IQCM: variants seen among roughly 807,000 people sequenced by gnomAD.
IQCM encodes the protein IQ domain-containing protein M.
Under a neutral mutation model 57.6 loss-of-function variants are expected in IQCM, and 45 were observed. That is an observed-to-expected ratio of 0.78 (90% CI 0.62 to 1.00). The LOEUF (loss-of-function observed/expected upper bound fraction) is 1.00. IQCM is among the 50% of genes least tolerant of loss of function. IQCM has a pLI of 0.00. For synonymous variants in IQCM, 148 were observed against 158.9 expected (o/e 0.93, Z 0.51); for missense variants, 468 against 511.6 (o/e 0.91, Z 0.82).
intron 10 of IQCM, among the ~76,000 whole-genome samples, chr4:149,563,325 A>G (rs1246677536): frequency 3.3e-5 from 5 of 152,200 alleles, no homozygotes; most frequent in African/African-American, 1.2e-4. Context: ...CAGAATTGCT[A>G]AGTTAAGGAT....
intron 12 of IQCM, among the ~76,000 whole-genome samples, chr4:149,455,126 G>A (rs771084736): frequency 1.3e-5 from 2 of 152,070 alleles, no homozygotes; most frequent in African/African-American, 2.4e-5. Context: ...ACCCAACAAT[G>A]TATGATACGT....
chr4:149,732,500 C>G (rs1360152858), intron 5 of IQCM, among the ~76,000 whole-genome samples: 1 of 152,124 alleles, frequency 6.6e-6, no homozygotes, highest in Admixed American at 6.6e-5. Context: ...AAGAAATTAC[C>G]CTGTGTTTAT....
At chr4:149,692,184 C>T (rs895930063) in intron 5 of IQCM, among the ~76,000 whole-genome samples, 30 of 152,294 alleles carry the variant, frequency 2.0e-4, no homozygotes, top group African/African-American at 7.2e-4. Context: ...CCCAGGGAGC[C>T]TGTGCACCAA....
In IQCM at chr4:149,536,605, A is replaced by G. The variant is rs76620671; in HGVS notation, c.1228+11850T>C. On this transcript the variant is annotated intron_variant, in intron 12 of 13. Coordinates refer to ENST00000636793, the MANE Select transcript of IQCM (RefSeq NM_001363507.2). Reference sequence around the variant, plus strand: ...AGCATTTGTAACATTGTATGCATGTAGTTATATGTTTGTATGTCTCTCCAG... The same window carrying G: ...AGCATTTGTAACATTGTATGCATGTGGTTATATGTTTGTATGTCTCTCCAG... Among the ~76,000 whole-genome samples, 546 of 152,134 alleles carry G rather than the reference A, an allele frequency of 3.6e-3. 2 individuals carry two copies. The highest frequency in any genetic ancestry group is 0.012 in the African/African-American group (509 of 41,556).
At chr4:149,772,763 A>G (rs1770705797) in intron 2 of IQCM, among the ~76,000 whole-genome samples, 1 of 152,236 alleles carries the variant, frequency 6.6e-6, no homozygotes, top group Non-Finnish European at 1.5e-5. Context: ...TAATTCAAAC[A>G]GAAAAGTGTC....
intron 7 of IQCM, among the ~76,000 whole-genome samples, chr4:149,633,167 CAA>C (rs71596216): frequency 5.2e-4 from 12 of 22,940 alleles, no homozygotes; most frequent in Non-Finnish European, 7.7e-4. Context: ...GACTCCGTCT[CAA>C]AAAAAAAAAA....
At chr4:149,373,461 T>G (rs1730500726) in intron 13 of IQCM, among the ~76,000 whole-genome samples, 1 of 152,178 alleles carries the variant, frequency 6.6e-6, no homozygotes, top group Non-Finnish European at 1.5e-5. Context: ...ATCATAGTTC[T>G]CATTTTAAGA....
intron 12 of IQCM, among the ~76,000 whole-genome samples, chr4:149,465,619 G>T (rs1000348952): frequency 1.3e-5 from 2 of 152,066 alleles, no homozygotes; most frequent in Admixed American, 6.5e-5. Context: ...CCATTTTGAG[G>T]GGAGAAAGAA....
intron 8 of IQCM, among the ~76,000 whole-genome samples, chr4:149,597,920 C>CA (rs747758226): frequency 2.5e-4 from 38 of 150,312 alleles, no homozygotes; most frequent in Admixed American, 6.0e-4. Flanking sequence ...CACCTCATGA[C>CA]AAAAAAAAAG....
intron 7 of IQCM, among the ~76,000 whole-genome samples, chr4:149,658,986 C>T (rs1759900420): frequency 6.6e-6 from 1 of 151,660 alleles, no homozygotes; most frequent in Non-Finnish European, 1.5e-5. Context: ...TGCTTAATTG[C>T]TTGGATGAAG....
At chr4:149,806,495 C>T (rs952201266) in intron 2 of IQCM, among the ~76,000 whole-genome samples, 15 of 151,988 alleles carry the variant, frequency 9.9e-5, no homozygotes, top group Admixed American at 3.3e-4. Flanking sequence ...TCTTCTCTTT[C>T]CAGTCTTTGG....
In IQCM at chr4:149,638,796, C is replaced by A. The variant is rs2150110349; in HGVS notation, c.566-17552G>T. On this transcript the variant is annotated intron_variant, in intron 7 of 13. Coordinates refer to ENST00000636793, the MANE Select transcript of IQCM (RefSeq NM_001363507.2). ...TCCAAAATAGTGGATGTGAGCAGCA[C>A]ATGCATACACCAAGAAGGAGAGCAG... Among the ~76,000 whole-genome samples, 2 of 152,260 alleles carry A rather than the reference C, an allele frequency of 1.3e-5. 1 individual carries two copies. Among genetic ancestry groups the A allele is most frequent in the South Asian group, 4.1e-4 (2 of 4,822 alleles).
chr4:149,481,381 A>G (rs1037469640), intron 12 of IQCM, among the ~76,000 whole-genome samples: 1 of 152,048 alleles, frequency 6.6e-6, no homozygotes, highest in African/African-American at 2.4e-5. Flanking sequence ...GTAGTTTCAT[A>G]GTTTGAGGGC....
intron 13 of IQCM, among the ~76,000 whole-genome samples, chr4:149,359,175 C>G (rs545520688): frequency 1.6e-4 from 24 of 151,764 alleles, no homozygotes; most frequent in Non-Finnish European, 2.8e-4. Flanking sequence ...TCCCCAAGAA[C>G]AAATAAAAAA....
chr4:149,757,437 G>T (rs1769085217), intron 2 of IQCM, among the ~76,000 whole-genome samples: 1 of 151,970 alleles, frequency 6.6e-6, no homozygotes, highest in Non-Finnish European at 1.5e-5. Flanking sequence ...GCTCAGGTTG[G>T]CTATAAAAGC....
At chr4:149,568,638 A>G (rs934357452) in intron 9 of IQCM, among the ~76,000 whole-genome samples, 3 of 152,028 alleles carry the variant, frequency 2.0e-5, no homozygotes, top group Admixed American at 1.3e-4. Context: ...ATGACTATGA[A>G]AAATTAGCCA....
At chr4:149,739,626 G>A (rs921423696) in intron 3 of IQCM, among the ~76,000 whole-genome samples, 1 of 151,900 alleles carries the variant, frequency 6.6e-6, no homozygotes, top group Non-Finnish European at 1.5e-5. Context: ...GATTCTTCAT[G>A]TTATTAAAGT....
intron 2 of IQCM, among the ~76,000 whole-genome samples, chr4:149,781,636 G>A (rs1025799339): frequency 1.7e-4 from 26 of 152,200 alleles, no homozygotes; most frequent in African/African-American, 5.8e-4. Context: ...CTTAATCATA[G>A]GTACATATAG....
At chr4:149,781,251 A>G (rs965060380) in intron 2 of IQCM, among the ~76,000 whole-genome samples, 2 of 152,296 alleles carry the variant, frequency 1.3e-5, no homozygotes, top group Middle Eastern at 3.4e-3. Context: ...TCAGTTACCC[A>G]TGGTCAACCA....
Sources: allele counts gnomAD v4.1 joint callset (sites outside exome capture counted in the v4.1 genomes callset), GRCh38; gene constraint gnomAD v4.1.1; transcripts MANE v1.5; gene names NCBI Gene and HGNC (gene_info 2026-07-23, HGNC 2026-07-21).